TENM2: variants seen among roughly 807,000 people sequenced by gnomAD.
TENM2 encodes teneurin transmembrane protein 2.
A neutral mutation model predicts 245.2 loss-of-function variants in TENM2; 52 were observed. The ratio of observed to expected loss-of-function variants is 0.21; its 90% CI spans 0.17 to 0.27. The LOEUF is 0.27. TENM2 is among the 10% of genes least tolerant of loss of function. TENM2 has a pLI of 1.00. For synonymous variants in TENM2, 1,363 were observed against 1,438.9 expected, an observed-to-expected ratio of 0.95 and a Z score of 1.19; for missense variants, 3,046 against 3,666.8, an observed-to-expected ratio of 0.83 and a Z score of 4.37.
intron 28 of TENM2, 120 bp from the exon 31 acceptor site, chr5:168,261,929 A>T (rs1323786294): frequency 8.3e-6 from 8 of 963,588 alleles, no homozygotes; most frequent in East Asian, 2.5e-5. Context: ...AACAGCTCAG[A>T]TCTGGATAGA....
chr5:167,215,658 T>C, the TENM2 span, among the ~76,000 whole-genome samples: 2 of 152,146 alleles, frequency 1.3e-5, no homozygotes, highest in Non-Finnish European at 1.5e-5. Flanking sequence ...TGTCTTACAT[T>C]ACAGAGAAGG....
At chr5:167,139,256 T>C in the TENM2 span, among the ~76,000 whole-genome samples, 1 of 152,248 alleles carries the variant, frequency 6.6e-6, no homozygotes, top group African/African-American at 2.4e-5. Context: ...GCAGTCTGCC[T>C]TGAACTACTT....
chr5:167,853,685 T>A (rs1248131334), intron 2 of TENM2, among the ~76,000 whole-genome samples: 1 of 152,206 alleles, frequency 6.6e-6, no homozygotes, highest in Non-Finnish European at 1.5e-5. Flanking sequence ...TCTAGAATGG[T>A]CACTCGGAAC....
At chr5:167,328,204 G>GTTTTTTTTTTTTTTTTTTTT (rs70976412) in intron 1 of TENM2, among the ~76,000 whole-genome samples, 1 of 91,016 alleles carries the variant, frequency 1.1e-5, no homozygotes, top group Non-Finnish European at 2.0e-5. Flanking sequence ...TTCTCATATC[G>GTTTTTTTTTTTTTTTTTTTT]TTTTTTTTTT....
At chr5:167,498,204 G>C (rs1024676685) in intron 2 of TENM2, among the ~76,000 whole-genome samples, 4 of 152,122 alleles carry the variant, frequency 2.6e-5, no homozygotes, top group African/African-American at 9.7e-5. Context: ...TGTGCCATCT[G>C]CTCTTCTTTT....
intron 2 of TENM2, among the ~76,000 whole-genome samples, chr5:167,633,466 T>TCAGGGA (rs2127798974): frequency 6.6e-6 from 1 of 152,268 alleles, no homozygotes; most frequent in Admixed American, 6.5e-5. Context: ...CAGAAGACAT[T>TCAGGGA]CAGGGATAAT....
At chr5:167,548,779 GAC>G (rs1772740281) in intron 2 of TENM2, among the ~76,000 whole-genome samples, 1 of 152,078 alleles carries the variant, frequency 6.6e-6, no homozygotes, top group South Asian at 2.1e-4. Flanking sequence ...CACATGCACA[GAC>G]ACACAGAGCT....
At chr5:167,901,455 A>C (rs898257744) in intron 3 of TENM2, among the ~76,000 whole-genome samples, 1 of 152,222 alleles carries the variant, frequency 6.6e-6, no homozygotes, top group African/African-American at 2.4e-5. Flanking sequence ...AGCACCATGA[A>C]CCAGCACGCA....
At chr5:167,136,144 A>G in the TENM2 span, among the ~76,000 whole-genome samples, 1 of 152,214 alleles carries the variant, frequency 6.6e-6, no homozygotes, top group South Asian at 2.1e-4. Flanking sequence ...TTGTAAATTT[A>G]GTTCTTTATG....
At chr5:167,084,966 C>T in the TENM2 span, among the ~76,000 whole-genome samples, 1 of 152,094 alleles carries the variant, frequency 6.6e-6, no homozygotes, top group South Asian at 2.1e-4. Flanking sequence ...ACATAATTTG[C>T]CCAATTCAAA....
intron 2 of TENM2, among the ~76,000 whole-genome samples, chr5:167,651,165 T>A (rs919571618): frequency 2.0e-5 from 3 of 152,102 alleles, no homozygotes; most frequent in Non-Finnish European, 4.4e-5. Context: ...GCACACTAAT[T>A]TCCATTGTGC....
chr5:168,155,029 G>A (rs139873834), intron 12 of TENM2, among the ~76,000 whole-genome samples: 1,618 of 152,210 alleles, frequency 0.011, 44 homozygotes, highest in African/African-American at 0.037. Context: ...GCTCCCTCCC[G>A]CACACACGGG....
chr5:167,921,786 TGAACAG>T (rs1561937076), intron 3 of TENM2, among the ~76,000 whole-genome samples: 1 of 152,190 alleles, frequency 6.6e-6, no homozygotes, highest in Admixed American at 6.5e-5. Context: ...TAAGCACTTA[TGAACAG>T]ACATTGTACA....
the TENM2 span, among the ~76,000 whole-genome samples, chr5:167,277,843 T>C: frequency 6.6e-6 from 1 of 152,210 alleles, no homozygotes; most frequent in Non-Finnish European, 1.5e-5. Flanking sequence ...TTGGAAGATT[T>C]ACCCTTTTAT....
upstream of TENM2, among the ~76,000 whole-genome samples, chr5:167,282,446 A>G (rs1328796271): frequency 6.6e-6 from 1 of 152,228 alleles, no homozygotes; most frequent in African/African-American, 2.4e-5. Flanking sequence ...AGAAAAAAAC[A>G]TTTTTAAAAT....
the TENM2 span, among the ~76,000 whole-genome samples, chr5:167,245,999 T>C: frequency 6.6e-6 from 1 of 152,160 alleles, no homozygotes; most frequent in African/African-American, 2.4e-5. Context: ...CTGGAGAGAA[T>C]GCTTCCCTTG....
At chr5:167,352,749 G>T (rs1368049089) in intron 1 of TENM2, among the ~76,000 whole-genome samples, 4 of 152,216 alleles carry the variant, frequency 2.6e-5, no homozygotes, top group Admixed American at 6.5e-5. Flanking sequence ...TAACGTCTTT[G>T]TGAGGTTGTG....
chr5:167,000,077 A>G, the TENM2 span, among the ~76,000 whole-genome samples: 1 of 152,296 alleles, frequency 6.6e-6, no homozygotes, highest in African/African-American at 2.4e-5. Context: ...AGAGGCATCT[A>G]TAAGATCTGG....
chr5:167,952,830 C>T lies in TENM2; in HGVS notation c.947+8C>T. On this transcript the variant is annotated splice_region_variant and intron_variant, in intron 4 of 28. Coordinates refer to ENST00000518659, the Ensembl canonical transcript of TENM2. ...CGTGCCACTGGAGACCCGGTAAGTC[C>T]CCATCGCCAGCTCACAGTCACACTC... 1 of 1,550,726 alleles carries T rather than the reference C, an allele frequency of 6.4e-7. No individual in the cohort carries two copies. The highest frequency in any genetic ancestry group is 8.7e-7 in the Non-Finnish European group (1 of 1,145,984).
Sources: gnomAD v4.1 joint callset for allele counts (sites outside exome capture counted in the v4.1 genomes callset) on GRCh38, gnomAD v4.1.1 for gene constraint, MANE v1.5 for transcripts, NCBI Gene and HGNC (gene_info 2026-07-23, HGNC 2026-07-21) for gene names.